Variants in SDF2 observed in about 807,000 individuals in gnomAD.
SDF2 encodes the protein stromal cell derived factor 2.
Under a neutral mutation model 20.5 loss-of-function variants are expected in SDF2, and 12 were observed. The ratio of observed to expected loss-of-function variants is 0.58; its 90% CI spans 0.37 to 0.95. The LOEUF is 0.95. SDF2 is among the 40% of genes least tolerant of loss of function. SDF2 has a pLI of 0.01. For synonymous variants in SDF2, 100 were observed against 101.0 expected, an observed-to-expected ratio of 0.99 and a Z score of 0.06; for missense variants, 238 against 263.1, an observed-to-expected ratio of 0.90 and a Z score of 0.66.
chr17:28,657,025 G>A (rs1393107230), intron 1 of SDF2, among the ~76,000 whole-genome samples: 5 of 151,920 alleles, frequency 3.3e-5, no homozygotes, highest in Admixed American at 6.6e-5. Flanking sequence ...TCATGAGTTC[G>A]AGACCAGCCT....
intron 2 of SDF2, among the ~76,000 whole-genome samples, chr17:28,652,375 A>G (rs1370735328): frequency 1.3e-5 from 2 of 152,012 alleles, no homozygotes. Flanking sequence ...CAATGGTGCA[A>G]TCTCGGCTCA....
intron 1 of SDF2, among the ~76,000 whole-genome samples, chr17:28,659,028 C>T (rs866799614): frequency 1.2e-4 from 18 of 145,158 alleles, no homozygotes; most frequent in South Asian, 2.2e-4. Context: ...GGCGGCCGTG[C>T]AGAGGCGCTC....
intron 2 of SDF2, among the ~76,000 whole-genome samples, chr17:28,652,185 A>G (rs2071919762): frequency 6.6e-6 from 1 of 152,188 alleles, no homozygotes; most frequent in African/African-American, 2.4e-5. Context: ...CCATCTTAAA[A>G]AAAAAAGAAA....
intron 1 of SDF2, among the ~76,000 whole-genome samples, chr17:28,659,798 G>A (rs932436479): frequency 3.3e-5 from 5 of 149,838 alleles, no homozygotes; most frequent in Admixed American, 3.3e-4. Flanking sequence ...CCCAGACGAT[G>A]GGCGGCCAGG....
At position 28,648,815 on chromosome 17, in the gene SDF2, G is replaced by A. The variant is rs2071886981; in HGVS notation, c.*174C>T. 3.0e-6 allele frequency: 2 copies of A among 659,668 alleles called. No homozygotes were observed. Among genetic ancestry groups the A allele is most frequent in the East Asian group, 2.7e-5 (1 of 36,730 alleles). 40.9% of individuals were successfully genotyped at this position (659,668 alleles called of 1,614,324 possible). A position where few individuals can be genotyped will look rare whatever the true frequency, so the allele number is the denominator to read the frequency against. Reference sequence around the variant, plus strand: ...CCACGCAAGTCTGGGAGAGTGACTAGTTCAAATGTGCAGGGCTGAAGCTTC... The same window carrying A: ...CCACGCAAGTCTGGGAGAGTGACTAATTCAAATGTGCAGGGCTGAAGCTTC... On this transcript the variant is annotated 3_prime_UTR_variant, in exon 3 of 3. Coordinates refer to ENST00000247020, the MANE Select transcript of SDF2 (RefSeq NM_006923.4).
chr17:28,657,176 G>A (rs112965612), intron 1 of SDF2, among the ~76,000 whole-genome samples: 20 of 151,878 alleles, frequency 1.3e-4, no homozygotes, highest in African/African-American at 3.6e-4. Flanking sequence ...GCAGTGAGCC[G>A]AGATCACACC....
At chr17:28,650,803 CAAAAAAA>C (rs57928087) in intron 2 of SDF2, among the ~76,000 whole-genome samples, 2 of 19,080 alleles carry the variant, frequency 1.0e-4, no homozygotes, top group African/African-American at 1.9e-4. Context: ...GACTTTGTCT[CAAAAAAA>C]AAAAAAAAAA....
intron 1 of SDF2, among the ~76,000 whole-genome samples, chr17:28,659,749 A>G (rs1263956532): frequency 7.3e-6 from 1 of 136,818 alleles, no homozygotes; most frequent in Non-Finnish European, 1.6e-5. Context: ...CCCTCCTCAT[A>G]TCCCAGACGG....
chr17:28,662,044 A>G (rs1597676112), upstream of SDF2: 3 of 718,692 alleles, frequency 4.2e-6, no homozygotes. Flanking sequence ...CTGGTTACTT[A>G]CGATACTCTC....
rs201539001 is a variant in SDF2, at chr17:28,661,894, G to A, written c.-18C>T. ...ACAGCCATCCTAACTGTATCGCGGA[G>A]CCCCAAATCTTCGAAGAAAACTCGG... On this transcript the variant is annotated 5_prime_UTR_variant, in exon 1 of 3. Coordinates refer to ENST00000247020, the MANE Select transcript of SDF2 (RefSeq NM_006923.4). 1 of 1,584,338 alleles carries A rather than the reference G, an allele frequency of 6.3e-7. No homozygotes were observed. The highest frequency in any genetic ancestry group is 1.3e-5 in the African/African-American group (1 of 74,290).
chr17:28,658,050 G>A (rs2071981733), intron 1 of SDF2, among the ~76,000 whole-genome samples: 1 of 152,018 alleles, frequency 6.6e-6, no homozygotes, highest in African/African-American at 2.4e-5. Context: ...TTCAGAAAAG[G>A]CAAACCAAGT....
At chr17:28,653,923 G>A (rs1396174066) in intron 2 of SDF2, among the ~76,000 whole-genome samples, 1 of 152,182 alleles carries the variant, frequency 6.6e-6, no homozygotes, top group Non-Finnish European at 1.5e-5. Context: ...ACCCTTCGAA[G>A]GTAAGATATT....
intron 1 of SDF2, chr17:28,661,229 C>CAA (rs759028035): frequency 2.6e-4 from 117 of 449,640 alleles, no homozygotes; most frequent in South Asian, 1.4e-3. Context: ...AGCTGGAAGA[C>CAA]AAAGGGTTGT....
Position 28,655,206 on chromosome 17 carries a change from G to A in SDF2, c.348+81C>T, listed in dbSNP as rs1300140749. 3 of 1,343,806 alleles carry A rather than the reference G, an allele frequency of 2.2e-6. No homozygotes were observed. The East Asian group carries it at 6.9e-5, about 31-fold the overall frequency. 83.2% of individuals were successfully genotyped at this position (1,343,806 alleles called of 1,614,324 possible). A position where few individuals can be genotyped will look rare whatever the true frequency, so the allele number is the denominator to read the frequency against. ...AAAGAGAACATCTACACCTAGAAAA[G>A]AAACATTTAAGAACCAAGAGATCAA... On this transcript the variant is annotated intron_variant, in intron 2 of 2. Transcript: ENST00000247020.
intron 2 of SDF2, 31 bp from the exon 3 acceptor site, chr17:28,649,307 A>G: frequency 1.9e-6 from 3 of 1,603,304 alleles, no homozygotes; most frequent in Non-Finnish European, 2.6e-6. Context: ...TAACATCAGC[A>G]TGGCTGACAA....
rs953216090 is a variant in SDF2 at position 28,649,811 on chromosome 17, C to T, written c.349-535G>A. Among the ~76,000 whole-genome samples, 3 of 150,538 alleles carry T rather than the reference C, an allele frequency of 2.0e-5. No individual in the cohort carries two copies. The South Asian group carries it at 6.3e-4, about 32-fold the overall frequency. ...TGCCTATGGTACCCAGCTACTACAG[C>T]TATCACCTAAGTCCAGGGGATCAAG... On this transcript the variant is annotated intron_variant, in intron 2 of 2. Coordinates refer to ENST00000247020, the MANE Select transcript of SDF2 (RefSeq NM_006923.4).
chr17:28,655,541 G>C (rs1471120393), intron 1 of SDF2, 58 bp from the exon 2 acceptor site: 1 of 1,469,630 alleles, frequency 6.8e-7, no homozygotes, highest in Non-Finnish European at 9.2e-7. Context: ...CATGCTCAGA[G>C]ACAGAAGCTT....
At chr17:28,659,146 A>C (rs2071996200) in intron 1 of SDF2, among the ~76,000 whole-genome samples, 1 of 119,748 alleles carries the variant, frequency 8.4e-6, no homozygotes, top group African/African-American at 3.3e-5. Context: ...GGCCGGGCAG[A>C]GGCGCTCCTC....
In SDF2 at chr17:28,655,293, T is replaced by A. The variant is rs956898560; in HGVS notation, c.342A>T (p.Gly114=). 1 of 1,614,090 alleles carries A rather than the reference T, an allele frequency of 6.2e-7. No individual in the cohort carries two copies. Among genetic ancestry groups the A allele is most frequent in the Non-Finnish European group, 8.5e-7 (1 of 1,180,014 alleles). Residue 114 remains glycine (G), a synonymous_variant, in exon 2 of 3, where the codon GGA becomes GGT. Transcript: ENST00000247020. ...HSHHFTSPLS[G]NQEVSAFGEE... ...CCATCGAAAGCCACCTCACCTGGTT[T>A]CCAGAAAGAGGTGAAGTGAAGTGGT...
Sources: gnomAD v4.1 joint callset for allele counts (sites outside exome capture counted in the v4.1 genomes callset) on GRCh38, gnomAD v4.1.1 for gene constraint, MANE v1.5 for transcripts, NCBI Gene and HGNC (gene_info 2026-07-23, HGNC 2026-07-21) for gene names.